Variants in CD8B2 observed in about 807,000 individuals in gnomAD.
The protein encoded by CD8B2 is T-cell surface glycoprotein CD8 beta-2 chain.
CD8B2 carries 11 observed loss-of-function variants against 23.7 expected under a neutral mutation model. The ratio of observed to expected loss-of-function variants is 0.46; its 90% confidence interval spans 0.29 to 0.77. CD8B2 has a LOEUF of 0.77. Ranked by LOEUF, CD8B2 falls within the 30% of genes least tolerant of loss-of-function variation. The pLI, the probability that CD8B2 is intolerant of heterozygous loss-of-function variation, is 0.09. For missense variants in CD8B2, 197 were observed against 270.5 expected, an observed-to-expected ratio of 0.73 and a Z score of 1.91; for synonymous variants, 90 against 109.3, an observed-to-expected ratio of 0.82 and a Z score of 1.10.
intron 3 of CD8B2, among the ~76,000 whole-genome samples, chr2:106,499,721 T>C (rs1679365988): frequency 6.6e-6 from 1 of 151,448 alleles, no homozygotes. Flanking sequence ...CTCATCTCTG[T>C]TCCCAGCCCC....
chr2:106,517,681 C>T (rs919030511), intron 5 of CD8B2, among the ~76,000 whole-genome samples: 3 of 151,828 alleles, frequency 2.0e-5, no homozygotes, highest in African/African-American at 4.8e-5. Flanking sequence ...AATAACAGCA[C>T]GCTTTGTTTA....
intron 5 of CD8B2, 116 bp from the exon 6 acceptor site, chr2:106,506,812 C>A (rs1679515786): frequency 7.0e-7 from 1 of 1,432,746 alleles, no homozygotes; most frequent in Admixed American, 2.4e-5. Context: ...AAACTCTCGG[C>A]CCCAGGCTAC....
At chr2:106,495,566 A>G (rs1679283417) in intron 2 of CD8B2, among the ~76,000 whole-genome samples, 1 of 152,142 alleles carries the variant, frequency 6.6e-6, no homozygotes, top group African/African-American at 2.4e-5. Flanking sequence ...AAAAATAAAA[A>G]TAAATAAATC....
chr2:106,534,696 C>T (rs767097863), intron 5 of CD8B2, among the ~76,000 whole-genome samples: 10 of 152,114 alleles, frequency 6.6e-5, no homozygotes, highest in East Asian at 3.9e-4. Flanking sequence ...TGCTGTCTTC[C>T]GGGCTGATTG....
chr2:106,531,866 A>ATC (rs375109625), intron 5 of CD8B2, among the ~76,000 whole-genome samples: 12 of 152,296 alleles, frequency 7.9e-5, no homozygotes, highest in African/African-American at 2.4e-4. Flanking sequence ...AACAAGCTAC[A>ATC]TCCAGCCCAG....
chr2:106,539,825 TG>T (rs556475612), intron 5 of CD8B2, among the ~76,000 whole-genome samples: 1 of 152,120 alleles, frequency 6.6e-6, no homozygotes, highest in Admixed American at 6.5e-5. Flanking sequence ...CTTTGCCAAG[TG>T]GGAAAAAAAA....
intron 5 of CD8B2, among the ~76,000 whole-genome samples, chr2:106,528,837 A>T (rs1470068018): frequency 1.3e-5 from 2 of 152,236 alleles, no homozygotes; most frequent in African/African-American, 4.8e-5. Context: ...AATAAAGTGC[A>T]TTTGTGTAAG....
chr2:106,524,029 G>T (rs919978320), intron 5 of CD8B2, among the ~76,000 whole-genome samples: 1 of 152,160 alleles, frequency 6.6e-6, no homozygotes, highest in South Asian at 2.1e-4. Context: ...AGACAATTGG[G>T]CAGGTTTCAT....
intron 5 of CD8B2, among the ~76,000 whole-genome samples, chr2:106,525,826 C>T (rs1679898082): frequency 1.3e-5 from 2 of 152,134 alleles, no homozygotes; most frequent in Non-Finnish European, 2.9e-5. Context: ...CTTTTTCCAT[C>T]CCAGTGTGGA....
intron 5 of CD8B2, among the ~76,000 whole-genome samples, chr2:106,530,767 G>C (rs542001340): frequency 2.0e-5 from 3 of 152,254 alleles, no homozygotes; most frequent in Admixed American, 1.3e-4. Flanking sequence ...TAAAGACCTT[G>C]CTGATAAAAC....
rs1160025050 is a variant in CD8B2 at position 106,506,899 on chromosome 2, G to A, written c.621-29G>A. ...TTCAATATCGTTTGCCTGAAAATAAGTGGTTTCACAACTTGCTGTTGTTTT... is the reference window on the plus strand; with the variant it reads ...TTCAATATCGTTTGCCTGAAAATAAATGGTTTCACAACTTGCTGTTGTTTT... On this transcript the variant is annotated intron_variant, in intron 5 of 5. Transcript: ENST00000643224. The A allele has an allele frequency of 1.9e-6, 3 of 1,581,530 alleles. No homozygotes were observed. The East Asian group carries it at 6.7e-5, about 36-fold the overall frequency.
intron 5 of CD8B2, among the ~76,000 whole-genome samples, chr2:106,525,511 A>G (rs1269585193): frequency 2.0e-5 from 3 of 152,350 alleles, no homozygotes; most frequent in Middle Eastern, 6.8e-3. Flanking sequence ...TAAAGTGAAC[A>G]GTTCATGGCA....
intron 5 of CD8B2, among the ~76,000 whole-genome samples, chr2:106,536,563 T>C (rs1345909363): frequency 6.6e-6 from 1 of 152,232 alleles, no homozygotes; most frequent in African/African-American, 2.4e-5. Flanking sequence ...CTTTAGATTC[T>C]TACTGTGACA....
intron 5 of CD8B2, 109 bp from the exon 6 acceptor site, chr2:106,506,819 C>T (rs1324573083): frequency 2.5e-5 from 37 of 1,491,944 alleles, no homozygotes; most frequent in South Asian, 6.4e-5. Flanking sequence ...CGGCCCCAGG[C>T]TACTTGGAGT....
Position 106,491,083 on chromosome 2 carries a change from G to A in CD8B2, c.253G>A (p.Val85Met), listed in dbSNP as rs1454393257. ...SAKGTIHGEE[V>M]EQEKIAVFRD... ...AAAAGGGACTATCCACGGTGAAGAG[G>A]TGGAACAGGAGAAGATAGCTGTGTT... Residue 85 changes from valine to methionine, a missense_variant, in exon 2 of 6, where the codon GTG becomes ATG. Val to Met is a conservative substitution (Grantham distance 21). Around this residue, in one of 3 missense-constraint regions of CD8B2, gnomAD observed 140 missense variants for 164.2 expected, o/e 0.85. Coordinates refer to ENST00000643224, the MANE Select transcript of CD8B2 (RefSeq NM_001349727.2). 3 of 1,613,830 alleles carry A rather than the reference G, an allele frequency of 1.9e-6. No individual in the cohort carries two copies. The highest frequency in any genetic ancestry group is 2.5e-6 in the Non-Finnish European group (3 of 1,179,822).
At chr2:106,517,676 C>A (rs1237044159) in intron 5 of CD8B2, among the ~76,000 whole-genome samples, 1 of 152,020 alleles carries the variant, frequency 6.6e-6, no homozygotes, top group Non-Finnish European at 1.5e-5. Context: ...TTTTTAATAA[C>A]AGCACGCTTT....
chr2:106,516,050 G>A (rs12469120), downstream of CD8B2, among the ~76,000 whole-genome samples: 22,070 of 151,416 alleles, frequency 0.15, 1,769 homozygotes, highest in South Asian at 0.19. Flanking sequence ...GGCTGATCTC[G>A]AACTCCTGAC....
At chr2:106,539,818 T>C (rs1358914215) in intron 5 of CD8B2, among the ~76,000 whole-genome samples, 1 of 152,190 alleles carries the variant, frequency 6.6e-6, no homozygotes, top group Non-Finnish European at 1.5e-5. Flanking sequence ...ATTTAAGCTT[T>C]GCCAAGTGGG....
At chr2:106,543,630 A>T (rs1184048690) in intron 5 of CD8B2, among the ~76,000 whole-genome samples, 1 of 152,194 alleles carries the variant, frequency 6.6e-6, no homozygotes, top group African/African-American at 2.4e-5. Flanking sequence ...CCTGGGTAAC[A>T]GGGCGAGACT....
Sources: allele counts gnomAD v4.1 joint callset (sites outside exome capture counted in the v4.1 genomes callset), GRCh38; gene constraint gnomAD v4.1.1; regional missense constraint gnomAD v4.1.1; transcripts MANE v1.5; gene names NCBI Gene and HGNC (gene_info 2026-07-23, HGNC 2026-07-21).